PCDHA4: variants seen among roughly 807,000 people sequenced by gnomAD.
PCDHA4 encodes protocadherin alpha-4.
Under a neutral mutation model 61.4 loss-of-function variants are expected in PCDHA4, and 49 were observed. The observed-to-expected ratio is 0.80, with a 90% CI of 0.63 to 1.01. The LOEUF (loss-of-function observed/expected upper bound fraction) is 1.01, where lower values mean the gene tolerates loss of function less well. PCDHA4 is among the 50% of genes least tolerant of loss of function. PCDHA4 has a pLI of 0.00. For missense variants in PCDHA4, 1,254 were observed against 1,235.8 expected, an observed-to-expected ratio of 1.01 and a Z score of -0.22; for synonymous variants, 590 against 550.3, an observed-to-expected ratio of 1.07 and a Z score of -1.01.
At chr5:140,865,948 A>T (rs1324483727) in intron 1 of PCDHA4, 1 of 152,186 alleles carries the variant, frequency 6.6e-6, no homozygotes, top group African/African-American at 2.4e-5. Flanking sequence ...GATTGTCTTC[A>T]TCATTAATTT....
At chr5:140,900,494 C>G (rs2068089293) in intron 1 of PCDHA4, among the ~76,000 whole-genome samples, 1 of 152,202 alleles carries the variant, frequency 6.6e-6, no homozygotes, top group Admixed American at 6.5e-5. Context: ...TCAGACTGGT[C>G]TCAAATTCCC....
chr5:140,830,014 C>T (rs2150179616), intron 1 of PCDHA4: 3 of 1,613,898 alleles, frequency 1.9e-6, no homozygotes, highest in Non-Finnish European at 2.5e-6. Flanking sequence ...ACGAAGCGGA[C>T]TCTCCGCGCC....
At chr5:140,981,824 C>T (rs1350256595) in intron 2 of PCDHA4, among the ~76,000 whole-genome samples, 4 of 152,108 alleles carry the variant, frequency 2.6e-5, no homozygotes, top group African/African-American at 7.2e-5. Flanking sequence ...CTCTGCTTGC[C>T]TCTAAAGGTC....
chr5:140,852,853 C>A, intron 1 of PCDHA4: 1 of 962,938 alleles, frequency 1.0e-6, no homozygotes, highest in Non-Finnish European at 1.3e-6. Context: ...ACTTACTAAG[C>A]ATTTACTATG....
chr5:140,817,037 G>A (rs140031382), intron 1 of PCDHA4: 1 of 152,254 alleles, frequency 6.6e-6, no homozygotes, highest in African/African-American at 2.4e-5. Context: ...AGAGTGCTGA[G>A]CTGAGTTTCT....
At chr5:140,870,890 T>A in intron 1 of PCDHA4, 2 of 1,613,954 alleles carry the variant, frequency 1.2e-6, no homozygotes, top group East Asian at 4.5e-5. Flanking sequence ...GTGCGCGCAG[T>A]GGATGCGGAC....
At chr5:140,958,578 A>G (rs2095431763) in intron 1 of PCDHA4, among the ~76,000 whole-genome samples, 1 of 152,206 alleles carries the variant, frequency 6.6e-6, no homozygotes, top group Non-Finnish European at 1.5e-5. Context: ...TGAGATTTTA[A>G]ATGAGCTTAT....
At chr5:140,851,863 T>C in intron 1 of PCDHA4, 1 of 976,024 alleles carries the variant, frequency 1.0e-6, no homozygotes, top group Non-Finnish European at 1.2e-6. Flanking sequence ...AGCTCATACA[T>C]AACACAAGGC....
Position 140,883,404 on chromosome 5 carries a change from C to G in PCDHA4, c.2385+73832C>G, listed in dbSNP as rs199942713. On this transcript the variant is annotated intron_variant, in intron 1 of 3. Transcript: ENST00000530339. ...CTAATCAGTGTGTCCGATCGTGACT[C>G]TGGCTCAAATGGACAGGTCACCTGC... 3 of 1,614,104 alleles carry G rather than the reference C, an allele frequency of 1.9e-6. No homozygotes were observed. The African/African-American group carries it at 4.0e-5, about 22-fold the overall frequency.
At chr5:140,994,222 C>T (rs2097605581) in intron 3 of PCDHA4, among the ~76,000 whole-genome samples, 1 of 152,168 alleles carries the variant, frequency 6.6e-6, no homozygotes, top group Admixed American at 6.5e-5. Context: ...CAGGGTCTGT[C>T]TATGTTATAA....
At chr5:140,884,022 T>G (rs2059946002) in intron 1 of PCDHA4, 1 of 1,613,028 alleles carries the variant, frequency 6.2e-7, no homozygotes, top group Non-Finnish European at 8.5e-7. Context: ...CCGCGGTCGG[T>G]GGGTGCAGGC....
intron 1 of PCDHA4, among the ~76,000 whole-genome samples, chr5:140,871,878 C>T (rs1390055446): frequency 6.6e-6 from 1 of 152,222 alleles, no homozygotes; most frequent in Non-Finnish European, 1.5e-5. Context: ...TTTAAATTTG[C>T]TCCTCTTTGT....
At chr5:140,886,951 C>T (rs1277166050) in intron 1 of PCDHA4, among the ~76,000 whole-genome samples, 1 of 151,696 alleles carries the variant, frequency 6.6e-6, no homozygotes, top group Non-Finnish European at 1.5e-5. Flanking sequence ...ACACATTAGA[C>T]ATTTAGCAAC....
At chr5:140,966,950 G>A (rs782713044) in intron 1 of PCDHA4, 3 of 1,603,480 alleles carry the variant, frequency 1.9e-6, no homozygotes, top group Non-Finnish European at 2.5e-6. Flanking sequence ...GGGCAACGTG[G>A]CTCGCGCGCT....
chr5:140,866,152 G>A (rs955753225), intron 1 of PCDHA4: 31 of 152,098 alleles, frequency 2.0e-4, no homozygotes, highest in African/African-American at 7.5e-4. Flanking sequence ...AGTGATATAA[G>A]TAAGAATCGT....
rs2150346065 is a variant in PCDHA4, at chr5:140,842,843, A to G, written c.2385+33271A>G. On this transcript the variant is annotated intron_variant, in intron 1 of 3. Coordinates refer to ENST00000530339, the MANE Select transcript of PCDHA4 (RefSeq NM_018907.4). ...GGGCGAGCGCTCGCTGTCGAGCTAC[A>G]TTTCGGTGCACACGGAGAGCGGCAA... 1.1e-5 allele frequency: 17 copies of G among 1,593,618 alleles called. 1 individual carries two copies. The South Asian group carries it at 1.8e-4, about 17-fold the overall frequency.
intron 1 of PCDHA4, among the ~76,000 whole-genome samples, chr5:140,949,595 G>A (rs1342869045): frequency 1.3e-5 from 2 of 151,566 alleles, no homozygotes; most frequent in Admixed American, 6.6e-5. Context: ...TATTAATGTG[G>A]CCATTCTAGT....
At chr5:140,850,138 A>T in intron 1 of PCDHA4, 1 of 1,595,694 alleles carries the variant, frequency 6.3e-7, no homozygotes, top group Non-Finnish European at 8.6e-7. Context: ...CTGGGCAGCA[A>T]CGTGACGCTG....
chr5:140,822,387 A>G, intron 1 of PCDHA4: 2 of 1,614,150 alleles, frequency 1.2e-6, no homozygotes, highest in Non-Finnish European at 1.7e-6. Context: ...GAGAAGAAAC[A>G]CAAGAACACC....
Sources: gnomAD v4.1 joint callset for allele counts (sites outside exome capture counted in the v4.1 genomes callset) on GRCh38, gnomAD v4.1.1 for gene constraint, MANE v1.5 for transcripts, NCBI Gene and HGNC (gene_info 2026-07-23, HGNC 2026-07-21) for gene names.